Variants in HNRNPM observed in about 807,000 individuals in gnomAD.
The protein encoded by HNRNPM is CEA receptor.
Under a neutral mutation model 73.1 loss-of-function variants are expected in HNRNPM, and 11 were observed. The ratio of observed to expected loss-of-function variants is 0.15; its 90% CI spans 0.09 to 0.25. The LOEUF is 0.25. Ranked by LOEUF, HNRNPM falls within the 10% of genes least tolerant of loss-of-function variation. The pLI is 1.00. For missense variants in HNRNPM, 789 were observed against 1,067.9 expected, an observed-to-expected ratio of 0.74 and a Z score of 3.64; for synonymous variants, 407 against 355.2, an observed-to-expected ratio of 1.15 and a Z score of -1.64.
At chr19:8,452,939 G>A (rs563386007) in intron 1 of HNRNPM, among the ~76,000 whole-genome samples, 1 of 151,704 alleles carries the variant, frequency 6.6e-6, no homozygotes, top group Non-Finnish European at 1.5e-5. Context: ...CTCCTGGACT[G>A]GAGCCATCCT....
chr19:8,471,931 G>A (rs542557010), intron 10 of HNRNPM, among the ~76,000 whole-genome samples: 1 of 152,230 alleles, frequency 6.6e-6, no homozygotes, highest in African/African-American at 2.4e-5. Flanking sequence ...CCAGCACTTT[G>A]GGAGGCCGAG....
chr19:8,476,404 G>A (rs1172090811), intron 12 of HNRNPM, among the ~76,000 whole-genome samples: 2 of 152,088 alleles, frequency 1.3e-5, no homozygotes, highest in East Asian at 1.9e-4. Context: ...TATGGTCATG[G>A]GTGCTCCCAT....
At chr19:8,466,567 C>T (rs1357312090) in intron 7 of HNRNPM, among the ~76,000 whole-genome samples, 179 bp downstream of exon 7, 5 of 152,038 alleles carry the variant, frequency 3.3e-5, no homozygotes, top group African/African-American at 1.2e-4. Flanking sequence ...GTGGCTCACG[C>T]CTGTAATCCC....
Position 8,488,956 on chromosome 19 carries a change from A to G in HNRNPM, c.*102A>G. The G allele has an allele frequency of 9.0e-7, 1 of 1,108,962 alleles. No individual in the cohort carries two copies. Among genetic ancestry groups the G allele is most frequent in the South Asian group, 1.8e-5 (1 of 55,948 alleles). 68.7% of individuals were successfully genotyped at this position (1,108,962 alleles called of 1,614,324 possible). Reference sequence around the variant, plus strand: ...CTGGATGTATAAAGATGTTTAAAAAATTCAGTTGCTTTTTGGGGTAATTTG... The same window carrying G: ...CTGGATGTATAAAGATGTTTAAAAAGTTCAGTTGCTTTTTGGGGTAATTTG... On this transcript the variant is annotated 3_prime_UTR_variant, in exon 16 of 16. Transcript: ENST00000325495.
At chr19:8,479,092 T>C (rs1334204402) in intron 12 of HNRNPM, among the ~76,000 whole-genome samples, 3 of 131,242 alleles carry the variant, frequency 2.3e-5, no homozygotes, top group African/African-American at 8.1e-5. Flanking sequence ...TTTTTTTTTT[T>C]TTTTTTTTTT....
At chr19:8,474,100 T>G in intron 11 of HNRNPM, 67 bp from the exon 12 acceptor site, 1 of 1,192,258 alleles carries the variant, frequency 8.4e-7, no homozygotes, top group Non-Finnish European at 1.2e-6. Context: ...TGTGATAGAA[T>G]TTTTCTTTCC....
rs538243201 is a variant in HNRNPM at position 8,445,293 on chromosome 19, A to G, written c.113+182A>G. ...TGAGCGGGGAGCCGGGGGAGCCTCC[A>G]GAATCGTCCCCTACACCGGGCCTCG... On this transcript the variant is annotated intron_variant, in intron 1 of 15. Coordinates refer to ENST00000325495, the MANE Select transcript of HNRNPM (RefSeq NM_005968.5). 2.5e-5 allele frequency: 12 copies of G among 489,146 alleles called. No homozygotes were observed. In the South Asian group the frequency reaches 6.4e-4, roughly 26 times the overall value. The allele number at this position is 489,146 out of a possible 1,614,324, so 30.3% of individuals were successfully genotyped here.
rs760614341 is a variant in HNRNPM, at chr19:8,485,747, TCATGGACCGCATGGGCTC to T, written c.1321_1338del (p.Met441_Ser446del). 6.3e-7 allele frequency: 1 copy of T among 1,599,072 alleles called. No individual in the cohort carries two copies. The highest frequency in any genetic ancestry group is 1.4e-5 in the African/African-American group (1 of 72,468). ...TCCGAGATCGAGCGCATGGGCCTGG[TCATGGACCGCATGGGCTC>T]CGTGGAGCGCATGGGCTCCGGCATT... On this transcript the variant is annotated inframe_deletion, in exon 14 of 16. Coordinates refer to ENST00000325495, the MANE Select transcript of HNRNPM (RefSeq NM_005968.5).
intron 1 of HNRNPM, among the ~76,000 whole-genome samples, chr19:8,446,736 G>GATAATTTA (rs1216922567): frequency 6.6e-6 from 1 of 152,136 alleles, no homozygotes; most frequent in African/African-American, 2.4e-5. Flanking sequence ...CGTTCCCTAA[G>GATAATTTA]TGCTAGCTAT....
intron 2 of HNRNPM, among the ~76,000 whole-genome samples, chr19:8,461,787 AGAG>A (rs1969417031): frequency 6.6e-6 from 1 of 152,188 alleles, no homozygotes; most frequent in African/African-American, 2.4e-5. Flanking sequence ...AATTCACTGA[AGAG>A]AATCCAGATG....
intron 12 of HNRNPM, among the ~76,000 whole-genome samples, chr19:8,475,524 C>T (rs753408022): frequency 2.6e-5 from 4 of 152,130 alleles, no homozygotes; most frequent in African/African-American, 4.8e-5. Flanking sequence ...GCTTGAAAGG[C>T]GGCTGTCCCT....
chr19:8,486,239 T>C lies in HNRNPM; in HGVS notation c.1811T>C (p.Ile604Thr). The change falls in exon 14 of 16, where the codon ATT becomes ACT. Residue 604 changes from isoleucine to threonine, a missense_variant. Physicochemically the swap from Ile to Thr is moderately conservative, Grantham distance 89. Transcript: ENST00000325495. ...ATGGGCCCGGCCCTGGGCGCTGGCATTGAGCGCATGGGCCTGGCCATGGGT... is the reference window on the plus strand; with the variant it reads ...ATGGGCCCGGCCCTGGGCGCTGGCACTGAGCGCATGGGCCTGGCCATGGGT... ...PAMGPALGAG[I>T]ERMGLAMGGG... The C allele has an allele frequency of 6.3e-7, 1 of 1,590,980 alleles. No homozygotes were observed. The highest frequency in any genetic ancestry group is 1.1e-5 in the South Asian group (1 of 89,942).
At chr19:8,475,312 A>G (rs939443261) in intron 12 of HNRNPM, among the ~76,000 whole-genome samples, 1 of 152,226 alleles carries the variant, frequency 6.6e-6, no homozygotes, top group East Asian at 1.9e-4. Context: ...TGTGCATGAG[A>G]AATTGTAAAT....
At chr19:8,467,217 A>G (rs1969817971) in intron 7 of HNRNPM, among the ~76,000 whole-genome samples, 1 of 152,152 alleles carries the variant, frequency 6.6e-6, no homozygotes. Flanking sequence ...TTCAGTTTAG[A>G]TAGTGGTAGA....
chr19:8,485,179 T>C (rs988636788), intron 13 of HNRNPM, among the ~76,000 whole-genome samples: 3 of 151,894 alleles, frequency 2.0e-5, no homozygotes, highest in African/African-American at 7.3e-5. Context: ...CTCCGACTTG[T>C]CTCCACATAA....
chr19:8,472,992 C>T (rs1054907692), intron 10 of HNRNPM, among the ~76,000 whole-genome samples: 8 of 152,162 alleles, frequency 5.3e-5, no homozygotes, highest in African/African-American at 1.4e-4. Context: ...TACTGCCTAA[C>T]TTGAGGCCTG....
intron 2 of HNRNPM, among the ~76,000 whole-genome samples, chr19:8,459,737 AG>A (rs1969274796): frequency 6.6e-6 from 1 of 152,206 alleles, no homozygotes; most frequent in South Asian, 2.1e-4. Flanking sequence ...GTGAGGTCAC[AG>A]TAGCTCCCAG....
At chr19:8,475,889 G>A (rs1299718745) in intron 12 of HNRNPM, among the ~76,000 whole-genome samples, 1 of 148,324 alleles carries the variant, frequency 6.7e-6, no homozygotes, top group Non-Finnish European at 1.5e-5. Context: ...GCAACACTGC[G>A]AAACCCCATC....
At chr19:8,468,686 C>T in intron 8 of HNRNPM, 88 bp from the exon 9 acceptor site, 1 of 975,184 alleles carries the variant, frequency 1.0e-6, no homozygotes, top group Admixed American at 1.8e-5. Flanking sequence ...AGCTGGTCCT[C>T]TCTTGATGGG....
Sources: allele counts gnomAD v4.1 joint callset (sites outside exome capture counted in the v4.1 genomes callset), GRCh38; gene constraint gnomAD v4.1.1; transcripts MANE v1.5; gene names NCBI Gene and HGNC (gene_info 2026-07-23, HGNC 2026-07-21).